Variants in ADAMTS20 observed in about 807,000 individuals in gnomAD.
ADAMTS20 encodes the protein ADAM metallopeptidase with thrombospondin type 1 motif 20.
Under a neutral mutation model 260.1 loss-of-function variants are expected in ADAMTS20, and 225 were observed. The observed-to-expected ratio is 0.87, with a 90% CI of 0.78 to 0.97. The LOEUF (loss-of-function observed/expected upper bound fraction) is 0.97, where lower values mean the gene tolerates loss of function less well. Ranked by LOEUF, ADAMTS20 falls within the 50% of genes least tolerant of loss-of-function variation. The pLI, the probability that ADAMTS20 is intolerant of heterozygous loss-of-function variation, is 0.00. For missense variants in ADAMTS20, 2,400 were observed against 2,337.7 expected (o/e 1.03, Z -0.55); for synonymous variants, 802 against 769.5 (o/e 1.04, Z -0.70).
At position 43,409,588 on chromosome 12, in the gene ADAMTS20, C is replaced by T. The variant is rs1592053935; in HGVS notation, c.4285-10355G>A. Among the ~76,000 whole-genome samples, 5 of 84,546 alleles carry T rather than the reference C, an allele frequency of 5.9e-5. No individual in the cohort carries two copies. The South Asian group carries it at 1.5e-3, about 25-fold the overall frequency. The allele number at this position is 84,546 out of a possible 152,430, so 55.5% of individuals were successfully genotyped here. The stretch of plus-strand genomic sequence containing the variant: ...CTGCACTCCAGCCTGGGCGACAGAG[C>T]GAGACTCCGTCTCAAAAAAAAAAAA... On this transcript the variant is annotated intron_variant, in intron 28 of 38. Coordinates refer to ENST00000389420, the MANE Select transcript of ADAMTS20 (RefSeq NM_025003.5).
chr12:43,423,634 C>A (rs1941275227), intron 28 of ADAMTS20: 2 of 666,266 alleles, frequency 3.0e-6, no homozygotes, highest in Admixed American at 4.5e-5. Flanking sequence ...GAAGATGGAA[C>A]AGAGACACAG....
chr12:43,456,905 T>C (rs1050673287), intron 11 of ADAMTS20, among the ~76,000 whole-genome samples: 2 of 152,140 alleles, frequency 1.3e-5, no homozygotes, highest in Non-Finnish European at 2.9e-5. Flanking sequence ...TATGAATTAC[T>C]GATTAGGAAT....
intron 7 of ADAMTS20, among the ~76,000 whole-genome samples, chr12:43,475,002 G>A (rs375733734): frequency 0.02 from 2,499 of 128,004 alleles, 33 homozygotes; most frequent in East Asian, 0.073. Context: ...CAATCAGGCA[G>A]GAGAAGGAAA....
chr12:43,354,538 T>TACCATACTATAATTTAG (rs143672920), intron 38 of ADAMTS20, among the ~76,000 whole-genome samples: 34,256 of 152,026 alleles, frequency 0.23, 4,619 homozygotes, highest in African/African-American at 0.37. Flanking sequence ...GAATATTATA[T>TACCATACTATAATTTAG]ACAATTTAAA....
chr12:43,396,160 T>C (rs984594021), intron 29 of ADAMTS20, among the ~76,000 whole-genome samples: 1 of 152,128 alleles, frequency 6.6e-6, no homozygotes, highest in Non-Finnish European at 1.5e-5. Flanking sequence ...GCAATGTTTG[T>C]TCCTGTTTAG....
intron 9 of ADAMTS20, among the ~76,000 whole-genome samples, chr12:43,466,222 C>T (rs1366515971): frequency 2.0e-5 from 3 of 151,912 alleles, no homozygotes; most frequent in Non-Finnish European, 2.9e-5. Flanking sequence ...CAGAATAATT[C>T]GTAGTTTGAC....
chr12:43,440,256 C>G (rs890265418), intron 16 of ADAMTS20, among the ~76,000 whole-genome samples, 187 bp from the exon 17 acceptor site: 1 of 148,138 alleles, frequency 6.8e-6, no homozygotes, highest in Non-Finnish European at 1.5e-5. Context: ...TCAAACAATT[C>G]TCCTGCCTCA....
chr12:43,526,736 G>A (rs1411098609), intron 3 of ADAMTS20, among the ~76,000 whole-genome samples: 1 of 152,110 alleles, frequency 6.6e-6, no homozygotes, highest in Non-Finnish European at 1.5e-5. Context: ...CAAAAAGTCT[G>A]AGAGATCACA....
At position 43,431,384 on chromosome 12, in the gene ADAMTS20, C is replaced by T. The variant is rs765951265; in HGVS notation, c.3209G>A (p.Ser1070Asn). The change falls in exon 22 of 39, where the codon AGT (serine) becomes AAT (asparagine). Residue 1070 changes from serine to asparagine, a missense_variant. Physicochemically the swap from Ser to Asn is conservative, Grantham distance 46. Coordinates refer to ENST00000389420, the MANE Select transcript of ADAMTS20 (RefSeq NM_025003.5). Reference sequence around the variant, plus strand: ...AGCACATGTATGAAGTTCACATGGACTCAGAGATTCAGGTTTGGTACTTGA... The same window carrying T: ...AGCACATGTATGAAGTTCACATGGATTCAGAGATTCAGGTTTGGTACTTGA... Reference protein sequence around the residue: ...CNSSTKPESLSPCELHTCASW... With the variant: ...CNSSTKPESLNPCELHTCASW... The T allele has an allele frequency of 6.2e-7, 1 of 1,613,946 alleles. No homozygotes were observed. Among genetic ancestry groups the T allele is most frequent in the South Asian group, 1.1e-5 (1 of 91,076 alleles).
Position 43,551,111 on chromosome 12 carries a change from G to C in ADAMTS20, c.251C>G (p.Ala84Gly). The C allele has an allele frequency of 1.2e-6, 2 of 1,613,976 alleles. No homozygotes were observed. The highest frequency in any genetic ancestry group is 1.7e-6 in the Non-Finnish European group (2 of 1,179,882). ...GTTCAGCTGGAAGAGCTGCCCGTAG[G>C]CAGTGAAGCGATAGTGGGTTCGGAA... The part of the protein sequence containing the change: ...MPFRTHYRFT[A>G]YGQLFQLNLT... The change falls in exon 2 of 39, where the codon GCC (alanine) becomes GGC (glycine). Residue 84 changes from alanine to glycine, a missense_variant. Ala to Gly is a moderately conservative substitution (Grantham distance 60). Transcript: ENST00000389420. This position sits in a 1 kb window ranked among gnomAD's most constrained non-coding sequence, Gnocchi z 4.6.
At position 43,462,941 on chromosome 12, in the gene ADAMTS20, G is replaced by C; in HGVS notation, c.1568C>G (p.Thr523Ser). 6.2e-7 allele frequency: 1 copy of C among 1,609,796 alleles called. No homozygotes were observed. The highest frequency in any genetic ancestry group is 8.5e-7 in the Non-Finnish European group (1 of 1,177,900). The part of the protein sequence containing the change: ...STEKLHKGCF[T>S]QHVPPADGTD... ...TCCATCTGCTGGTGGCACGTGTTGA[G>C]TGAAACAGCCTTTGTGAAGCTTTTC... Residue 523 changes from threonine (T) to serine (S), a missense_variant, in exon 11 of 39, where the codon ACT becomes AGT. Thr to Ser is a moderately conservative substitution (Grantham distance 58). Coordinates refer to ENST00000389420, the MANE Select transcript of ADAMTS20 (RefSeq NM_025003.5).
In ADAMTS20 at chr12:43,418,459, GCCACCACGC is replaced by G. The variant is rs1480843335; in HGVS notation, c.4284+7046_4284+7054del. 6.6e-5 allele frequency among the ~76,000 whole-genome samples: 10 copies of G among 152,068 alleles called. No individual in the cohort carries two copies. In the East Asian group the frequency reaches 1.9e-3, roughly 30 times the overall value. Reference sequence around the variant, plus strand: ...TGAGTAGCTGGGATTACAGGCACGCGCCACCACGCCCAGCTAATTTTTGTATTTTTAGTA... The same window carrying G: ...TGAGTAGCTGGGATTACAGGCACGCGCCAGCTAATTTTTGTATTTTTAGTA... On this transcript the variant is annotated intron_variant, in intron 28 of 38. Coordinates refer to ENST00000389420, the MANE Select transcript of ADAMTS20 (RefSeq NM_025003.5).
At chr12:43,427,559 A>G (rs906198416) in intron 26 of ADAMTS20, 90 bp from the exon 27 acceptor site, 8 of 1,251,420 alleles carry the variant, frequency 6.4e-6, no homozygotes, top group South Asian at 3.6e-5. Flanking sequence ...CATTGACTCA[A>G]TCAAAATCAA....
intron 28 of ADAMTS20, among the ~76,000 whole-genome samples, chr12:43,399,942 C>T (rs1363445454): frequency 6.6e-6 from 1 of 152,086 alleles, no homozygotes; most frequent in Non-Finnish European, 1.5e-5. Context: ...TTGAGTATCA[C>T]TTCTGCCACT....
chr12:43,481,337 T>C (rs1942439187), intron 7 of ADAMTS20, among the ~76,000 whole-genome samples: 1 of 152,096 alleles, frequency 6.6e-6, no homozygotes, highest in Non-Finnish European at 1.5e-5. Context: ...AAAACATGTA[T>C]CATTTTTTAA....
intron 3 of ADAMTS20, among the ~76,000 whole-genome samples, chr12:43,506,573 G>A (rs1592102031): frequency 6.6e-6 from 1 of 151,574 alleles, no homozygotes; most frequent in South Asian, 2.1e-4. Flanking sequence ...TCCGCTTCTC[G>A]GCTTCAAGCA....
intron 28 of ADAMTS20, among the ~76,000 whole-genome samples, chr12:43,409,660 C>G (rs1240607019): frequency 6.9e-6 from 1 of 144,622 alleles, no homozygotes; most frequent in Non-Finnish European, 1.5e-5. Flanking sequence ...ATCCAAGAAT[C>G]CCAATATTTA....
chr12:43,448,826 G>C (rs1365272052), intron 14 of ADAMTS20, among the ~76,000 whole-genome samples: 1 of 151,630 alleles, frequency 6.6e-6, no homozygotes, highest in African/African-American at 2.4e-5. Flanking sequence ...AGTGAGCAAA[G>C]AACATGAACA....
At chr12:43,443,376 G>A (rs1363358084) in intron 16 of ADAMTS20, among the ~76,000 whole-genome samples, 1 of 151,802 alleles carries the variant, frequency 6.6e-6, no homozygotes, top group Non-Finnish European at 1.5e-5. Context: ...AAATACAAGA[G>A]CTTTTACAAA....
Sources: gnomAD v4.1 joint callset for allele counts (sites outside exome capture counted in the v4.1 genomes callset) on GRCh38, gnomAD v4.1.1 for gene constraint, Gnocchi (gnomAD v3.1) non-coding constraint, MANE v1.5 for transcripts, NCBI Gene and HGNC (gene_info 2026-07-23, HGNC 2026-07-21) for gene names.